SLC39A11: variants seen among roughly 807,000 people sequenced by gnomAD.
SLC39A11 encodes the protein solute carrier family 39 member 11, also known as zinc transporter ZIP11.
In SLC39A11, 33 loss-of-function variants were observed where a neutral mutation model predicts 36.1. That is an observed-to-expected ratio of 0.91 (90% CI 0.69 to 1.22). The LOEUF (loss-of-function observed/expected upper bound fraction) is 1.22. Ranked by LOEUF, SLC39A11 falls within the 50% of genes most tolerant of loss-of-function variation. The probability of loss-of-function intolerance (pLI) is 0.00; values close to 1 mark genes in which losing one functional copy is unlikely to be tolerated. For missense variants in SLC39A11, 432 were observed against 430.3 expected (o/e 1.00, Z -0.03); for synonymous variants, 166 against 170.3 (o/e 0.97, Z 0.20).
At chr17:72,871,461 C>A (rs903152942) in intron 5 of SLC39A11, among the ~76,000 whole-genome samples, 1 of 152,128 alleles carries the variant, frequency 6.6e-6, no homozygotes, top group African/African-American at 2.4e-5. Context: ...GGGAAACAAT[C>A]ATGAGATTAG....
chr17:72,659,687 A>G (rs2070323693), intron 7 of SLC39A11, among the ~76,000 whole-genome samples: 1 of 150,120 alleles, frequency 6.7e-6, no homozygotes, highest in Non-Finnish European at 1.5e-5. Flanking sequence ...GGTTCAAGCA[A>G]TTCTCCTGCC....
chr17:72,783,569 T>G (rs75671588), intron 6 of SLC39A11, among the ~76,000 whole-genome samples: 5,747 of 152,300 alleles, frequency 0.038, 161 homozygotes, highest in Non-Finnish European at 0.062. Context: ...GCAAACGAAA[T>G]GACCCAGAAC....
chr17:73,076,421 AACAATTATATATTGTATAAATATGTC>A (rs1250534257), intron 3 of SLC39A11, among the ~76,000 whole-genome samples: 1 of 152,236 alleles, frequency 6.6e-6, no homozygotes. Context: ...TATTTTGGTG[AACAATTATATATTGTATAAATATGTC>A]ACTGCAGCAT....
intron 6 of SLC39A11, among the ~76,000 whole-genome samples, chr17:72,782,221 T>C (rs538513471): frequency 1.3e-5 from 2 of 152,188 alleles, no homozygotes; most frequent in Non-Finnish European, 2.9e-5. Context: ...GTGATGCAGC[T>C]ATGAGCCAAG....
intron 1 of SLC39A11, among the ~76,000 whole-genome samples, chr17:73,091,348 C>CA (rs1323227095): frequency 6.6e-6 from 1 of 151,986 alleles, no homozygotes; most frequent in Non-Finnish European, 1.5e-5. Context: ...GAGGCTGAGG[C>CA]AGGAGTAATC....
intron 3 of SLC39A11, among the ~76,000 whole-genome samples, chr17:73,046,743 A>T (rs2059306527): frequency 6.6e-6 from 1 of 151,998 alleles, no homozygotes; most frequent in Admixed American, 6.6e-5. Flanking sequence ...GGAGTTCCAG[A>T]CCAGCCTGGG....
At chr17:73,086,933 G>A (rs2060751033) in intron 2 of SLC39A11, among the ~76,000 whole-genome samples, 1 of 152,080 alleles carries the variant, frequency 6.6e-6, no homozygotes, top group South Asian at 2.1e-4. Context: ...GTGTATGCAT[G>A]TAATCCCAGC....
At chr17:72,776,317 G>C (rs929423376) in intron 6 of SLC39A11, among the ~76,000 whole-genome samples, 2 of 152,142 alleles carry the variant, frequency 1.3e-5, no homozygotes, top group African/African-American at 4.8e-5. Context: ...AAAACCAGAA[G>C]ACAGCATTTA....
intron 4 of SLC39A11, among the ~76,000 whole-genome samples, chr17:72,978,407 T>C (rs1018468824): frequency 6.6e-6 from 1 of 152,052 alleles, no homozygotes; most frequent in Non-Finnish European, 1.5e-5. Flanking sequence ...GTAAAAAATA[T>C]ACAAACGAAC....
chr17:72,675,450 C>T (rs1022828755), intron 7 of SLC39A11, among the ~76,000 whole-genome samples: 9 of 152,190 alleles, frequency 5.9e-5, no homozygotes, highest in East Asian at 1.9e-4. Flanking sequence ...ACACAGTTTA[C>T]GGCATTTTGT....
chr17:72,695,204 G>A (rs568758769), intron 7 of SLC39A11, among the ~76,000 whole-genome samples: 2 of 152,288 alleles, frequency 1.3e-5, no homozygotes, highest in Non-Finnish European at 2.9e-5. Flanking sequence ...CTGCCTCAGT[G>A]TCTCCTCCTC....
intron 6 of SLC39A11, among the ~76,000 whole-genome samples, chr17:72,782,318 C>T (rs1480385336): frequency 6.6e-6 from 1 of 152,186 alleles, no homozygotes; most frequent in Non-Finnish European, 1.5e-5. Flanking sequence ...AAGGAACCAA[C>T]CCTGCAGGCA....
At chr17:72,744,899 T>C (rs575182629) in intron 6 of SLC39A11, among the ~76,000 whole-genome samples, 65 of 152,310 alleles carry the variant, frequency 4.3e-4, no homozygotes, top group African/African-American at 1.5e-3. Context: ...TGGAGTGCAG[T>C]GGCACAATCT....
intron 6 of SLC39A11, among the ~76,000 whole-genome samples, chr17:72,837,382 A>AAAG (rs1455064996): frequency 8.0e-4 from 119 of 148,294 alleles, no homozygotes; most frequent in African/African-American, 2.8e-3. Context: ...AAAAAAAAAA[A>AAAG]GCAGGACTCA....
chr17:72,810,399 A>T (rs1167813580), intron 6 of SLC39A11, among the ~76,000 whole-genome samples: 1 of 152,242 alleles, frequency 6.6e-6, no homozygotes, highest in East Asian at 1.9e-4. Context: ...ACAATAGAAT[A>T]CTGCATAGTA....
At chr17:72,983,161 T>G (rs915567555) in intron 4 of SLC39A11, among the ~76,000 whole-genome samples, 4 of 152,106 alleles carry the variant, frequency 2.6e-5, no homozygotes, top group African/African-American at 9.7e-5. Flanking sequence ...TTTTTGTTTT[T>G]TTTTTTGAGA....
intron 4 of SLC39A11, among the ~76,000 whole-genome samples, chr17:72,958,053 A>G (rs2086359488): frequency 6.6e-6 from 1 of 152,210 alleles, no homozygotes. Flanking sequence ...AACCCCAGAA[A>G]TAAACCCAAA....
intron 3 of SLC39A11, among the ~76,000 whole-genome samples, chr17:73,048,402 G>A (rs2059390949): frequency 6.6e-6 from 1 of 152,178 alleles, no homozygotes; most frequent in Non-Finnish European, 1.5e-5. Flanking sequence ...ATTCCATGGT[G>A]CACATGTACC....
chr17:72,922,539 C>T (rs979758969), intron 5 of SLC39A11, among the ~76,000 whole-genome samples: 2 of 152,152 alleles, frequency 1.3e-5, no homozygotes, highest in Admixed American at 6.5e-5. Context: ...AAAGAGGCCT[C>T]GAGGAATAAA....
Sources: gnomAD v4.1 joint callset for allele counts (sites outside exome capture counted in the v4.1 genomes callset) on GRCh38, gnomAD v4.1.1 for gene constraint, MANE v1.5 for transcripts, NCBI Gene and HGNC (gene_info 2026-07-23, HGNC 2026-07-21) for gene names.